The following ADARB2 variants were observed in gnomAD, a reference collection of about 807,000 sequenced individuals.
The protein encoded by ADARB2 is inactive double-stranded RNA-specific editase B2.
A neutral mutation model predicts 62.2 loss-of-function variants in ADARB2; 25 were observed. That is an observed-to-expected ratio of 0.40 (90% CI 0.29 to 0.56). The LOEUF (loss-of-function observed/expected upper bound fraction) is 0.56, where lower values mean the gene tolerates loss of function less well. Among genes scored for constraint, ADARB2 ranks in the 20% least tolerant of loss-of-function variants. The pLI is 0.43. For synonymous variants in ADARB2, 572 were observed against 500.8 expected, an observed-to-expected ratio of 1.14 and a Z score of -1.90; for missense variants, 1,071 against 1,077.4, an observed-to-expected ratio of 0.99 and a Z score of 0.08.
At chr10:1,607,996 G>T (rs1833515375) in intron 1 of ADARB2, among the ~76,000 whole-genome samples, 1 of 152,200 alleles carries the variant, frequency 6.6e-6, no homozygotes, top group African/African-American at 2.4e-5. Flanking sequence ...ATGCAATATA[G>T]CCCTGTCCCA....
chr10:1,629,823 C>G (rs551895924), intron 1 of ADARB2, among the ~76,000 whole-genome samples: 1 of 152,096 alleles, frequency 6.6e-6, no homozygotes, highest in East Asian at 1.9e-4. Flanking sequence ...CATGCCATTC[C>G]GAGAATGGCT....
At chr10:1,393,495 T>C (rs1285737766) in intron 1 of ADARB2, among the ~76,000 whole-genome samples, 2 of 152,224 alleles carry the variant, frequency 1.3e-5, no homozygotes, top group African/African-American at 2.4e-5. Flanking sequence ...GCATTAGCCA[T>C]CACCACCTTC....
intron 1 of ADARB2, among the ~76,000 whole-genome samples, chr10:1,430,661 A>G (rs1239573177): frequency 6.6e-6 from 1 of 152,142 alleles, no homozygotes; most frequent in Non-Finnish European, 1.5e-5. Flanking sequence ...AATCACTTGA[A>G]TCTGGGAGGC....
intron 1 of ADARB2, among the ~76,000 whole-genome samples, chr10:1,633,990 G>A (rs7903381): frequency 0.17 from 25,345 of 152,176 alleles, 2,238 homozygotes; most frequent in East Asian, 0.25. Context: ...GAGGGACACA[G>A]AGCTCCTCGT....
At chr10:1,695,804 A>G (rs1197280144) in intron 1 of ADARB2, among the ~76,000 whole-genome samples, 1 of 152,024 alleles carries the variant, frequency 6.6e-6, no homozygotes. Flanking sequence ...ATGTGTGTAT[A>G]TATGTACATG....
At chr10:1,487,142 C>T (rs560246889) in intron 1 of ADARB2, among the ~76,000 whole-genome samples, 2 of 152,356 alleles carry the variant, frequency 1.3e-5, no homozygotes, top group African/African-American at 4.8e-5. Flanking sequence ...CCCTGCTCCC[C>T]TTGGCCAAGG....
At chr10:1,574,778 T>TG (rs757818349) in intron 1 of ADARB2, among the ~76,000 whole-genome samples, 1 of 152,178 alleles carries the variant, frequency 6.6e-6, no homozygotes, top group Non-Finnish European at 1.5e-5. Context: ...ACTGAGGTCC[T>TG]GGGGGTCAGA....
intron 3 of ADARB2, among the ~76,000 whole-genome samples, chr10:1,338,988 A>G (rs771304970): frequency 4.0e-5 from 6 of 151,894 alleles, no homozygotes; most frequent in Non-Finnish European, 7.4e-5. Flanking sequence ...TGGGTCTCAT[A>G]CTCTGGATTC....
intron 1 of ADARB2, among the ~76,000 whole-genome samples, chr10:1,457,986 T>G (rs1459393257): frequency 8.1e-6 from 1 of 123,476 alleles, no homozygotes; most frequent in Admixed American, 9.2e-5. Flanking sequence ...TTTGCCTCAT[T>G]GCTTACCCTC....
intron 1 of ADARB2, among the ~76,000 whole-genome samples, chr10:1,585,862 G>A (rs111350047): frequency 0.32 from 48,813 of 151,894 alleles, 8,931 homozygotes; most frequent in Non-Finnish European, 0.43. Flanking sequence ...GTGAAACCCC[G>A]TCTCTACTAA....
intron 1 of ADARB2, among the ~76,000 whole-genome samples, chr10:1,395,417 C>A (rs1438124804): frequency 6.6e-6 from 1 of 152,168 alleles, no homozygotes; most frequent in Non-Finnish European, 1.5e-5. Context: ...GAGGTCCTGA[C>A]AGTTCCTTGA....
At chr10:1,522,006 T>C (rs546632138) in intron 1 of ADARB2, among the ~76,000 whole-genome samples, 3 of 152,224 alleles carry the variant, frequency 2.0e-5, no homozygotes, top group Non-Finnish European at 4.4e-5. Context: ...TCAAATATTT[T>C]ACAGAGTTGG....
chr10:1,250,251 A>G (rs1018479426), intron 4 of ADARB2, among the ~76,000 whole-genome samples: 19 of 151,902 alleles, frequency 1.3e-4, no homozygotes, highest in Middle Eastern at 3.4e-3. Context: ...TGGCTTGGGT[A>G]TGGTTTATTT....
chr10:1,545,926 G>T lies in ADARB2; in HGVS notation c.101-166766C>A, dbSNP rs1431626625. On this transcript the variant is annotated intron_variant, in intron 1 of 9. Coordinates refer to ENST00000381312, the MANE Select transcript of ADARB2 (RefSeq NM_018702.4). ...CCCATAGCTTTTTGAAATGAACAGA[G>T]AAATGGACCCTTCTGGTCTTAAAGC... 2.0e-5 allele frequency among the ~76,000 whole-genome samples: 3 copies of T among 152,070 alleles called. No homozygotes were observed. The East Asian group carries it at 5.8e-4, about 29-fold the overall frequency.
intron 4 of ADARB2, among the ~76,000 whole-genome samples, chr10:1,256,795 T>A (rs905144253): frequency 2.0e-5 from 3 of 151,904 alleles, no homozygotes; most frequent in East Asian, 1.9e-4. Context: ...GATTGAAAAG[T>A]CTATTAAAAG....
intron 1 of ADARB2, among the ~76,000 whole-genome samples, chr10:1,668,409 T>A (rs891480645): frequency 1.8e-4 from 27 of 152,224 alleles, no homozygotes; most frequent in African/African-American, 6.3e-4. Context: ...GTTAGTGCAG[T>A]GGAAAACCCC....
chr10:1,696,851 C>T (rs1834752501), intron 1 of ADARB2, among the ~76,000 whole-genome samples: 1 of 152,238 alleles, frequency 6.6e-6, no homozygotes, highest in Non-Finnish European at 1.5e-5. Flanking sequence ...CCAGCCTCCA[C>T]CAGCTTCTAG....
chr10:1,356,406 G>T (rs1832195914), intron 3 of ADARB2, among the ~76,000 whole-genome samples: 1 of 152,180 alleles, frequency 6.6e-6, no homozygotes, highest in Admixed American at 6.5e-5. Flanking sequence ...CCCACCCCCT[G>T]GAGGGCTTCA....
chr10:1,698,552 T>C (rs1256995997), intron 1 of ADARB2, among the ~76,000 whole-genome samples: 1 of 152,108 alleles, frequency 6.6e-6, no homozygotes, highest in Non-Finnish European at 1.5e-5. Context: ...TCCCAGAACA[T>C]CCCTGGGCTG....
Sources: gnomAD v4.1 joint callset for allele counts (sites outside exome capture counted in the v4.1 genomes callset) on GRCh38, gnomAD v4.1.1 for gene constraint, MANE v1.5 for transcripts, NCBI Gene and HGNC (gene_info 2026-07-23, HGNC 2026-07-21) for gene names.